The following MAGI2 variants were observed in gnomAD, a reference collection of about 807,000 sequenced individuals.
The protein encoded by MAGI2 is membrane-associated guanylate kinase, WW and PDZ domain-containing protein 2.
In MAGI2, 35 loss-of-function variants were observed where a neutral mutation model predicts 133.3. The ratio of observed to expected loss-of-function variants is 0.26; its 90% CI spans 0.20 to 0.35. The LOEUF is 0.35. Ranked by LOEUF, MAGI2 falls within the 10% of genes least tolerant of loss-of-function variation. The probability of loss-of-function intolerance (pLI) is 1.00; values close to 1 mark genes in which losing one functional copy is unlikely to be tolerated. For synonymous variants in MAGI2, 729 were observed against 710.6 expected (o/e 1.03, Z -0.41); for missense variants, 1,636 against 1,863.4 (o/e 0.88, Z 2.25).
chr7:78,969,184 AG>A (rs1554315657), intron 2 of MAGI2, among the ~76,000 whole-genome samples: 2 of 152,028 alleles, frequency 1.3e-5, no homozygotes, highest in Non-Finnish European at 2.9e-5. Context: ...ACCTGGTAGT[AG>A]CTGTATTTGC....
chr7:79,141,599 T>A (rs1439571659), intron 1 of MAGI2, among the ~76,000 whole-genome samples: 16 of 152,218 alleles, frequency 1.1e-4, no homozygotes, highest in Non-Finnish European at 2.2e-4. Flanking sequence ...CAATAATTAT[T>A]AATGTACTAT....
chr7:78,247,089 G>T (rs931696173), intron 10 of MAGI2, among the ~76,000 whole-genome samples: 2 of 152,094 alleles, frequency 1.3e-5, no homozygotes, highest in African/African-American at 4.8e-5. Context: ...CAGTGCTGCT[G>T]CAGCTGCATA....
chr7:78,224,486 G>T (rs978955144), intron 10 of MAGI2, among the ~76,000 whole-genome samples: 2 of 151,966 alleles, frequency 1.3e-5, no homozygotes, highest in Non-Finnish European at 2.9e-5. Flanking sequence ...GCCACCATGG[G>T]GAAACCCTGT....
chr7:79,135,846 C>T (rs1451941893), intron 1 of MAGI2, among the ~76,000 whole-genome samples: 1 of 151,234 alleles, frequency 6.6e-6, no homozygotes, highest in Non-Finnish European at 1.5e-5. Context: ...GAGGCTGAGG[C>T]AGGAGAATCA....
intron 6 of MAGI2, among the ~76,000 whole-genome samples, chr7:78,440,503 A>G (rs1787509131): frequency 6.6e-6 from 1 of 152,176 alleles, no homozygotes; most frequent in East Asian, 1.9e-4. Context: ...CCCATTGGCC[A>G]GTTTGCTATA....
At chr7:78,683,227 A>C (rs914715303) in intron 2 of MAGI2, among the ~76,000 whole-genome samples, 5 of 152,132 alleles carry the variant, frequency 3.3e-5, no homozygotes, top group Non-Finnish European at 5.9e-5. Context: ...TATCCATTGT[A>C]AGGGCAATAC....
chr7:78,507,826 A>G (rs7779137), intron 4 of MAGI2, among the ~76,000 whole-genome samples: 6,186 of 152,316 alleles, frequency 0.041, 303 homozygotes, highest in African/African-American at 0.11. Context: ...GCACTAAGCT[A>G]GGCAGTGTAC....
chr7:79,107,037 C>T (rs182899723), intron 1 of MAGI2, among the ~76,000 whole-genome samples: 1 of 152,238 alleles, frequency 6.6e-6, no homozygotes, highest in East Asian at 1.9e-4. Context: ...GTCCTGATTC[C>T]CTGGAACCCA....
intron 2 of MAGI2, among the ~76,000 whole-genome samples, chr7:78,893,930 T>A (rs1372025221): frequency 3.3e-5 from 5 of 152,276 alleles, no homozygotes; most frequent in South Asian, 4.1e-4. Context: ...AGTCTCTGAT[T>A]TTTACTCACT....
intron 1 of MAGI2, among the ~76,000 whole-genome samples, chr7:79,152,616 G>C (rs1823362920): frequency 6.6e-6 from 1 of 152,156 alleles, no homozygotes. Context: ...GAGCTCCAGG[G>C]AGGCGGGAAG....
chr7:78,019,414 C>G lies in MAGI2; in HGVS notation c.4269G>C (p.Pro1423=), dbSNP rs2960452. The G allele has an allele frequency of 0.22, 242,861 of 1,128,038 alleles. 30,428 individuals carry two copies. Among genetic ancestry groups the G allele is most frequent in the East Asian group, 0.59 (13,823 of 23,576 alleles). 69.9% of individuals were successfully genotyped at this position (1,128,038 alleles called of 1,614,324 possible). ...CCGGCGCGACGGCGGCCTTGCGCGC[C>G]GGGGCGCCCCCCGGGGGTCGCGGGC... ...RPGPRPPGGA[P]ARKAAVAPGP... Residue 1423 remains proline (P), a synonymous_variant, in exon 22 of 22, where the codon CCG becomes CCC. Transcript: ENST00000354212.
intron 16 of MAGI2, among the ~76,000 whole-genome samples, chr7:78,149,237 G>T (rs780383601): frequency 2.6e-4 from 39 of 152,190 alleles, no homozygotes; most frequent in Non-Finnish European, 4.7e-4. Context: ...AGAAAGTTCT[G>T]CTGCACAGTG....
At chr7:78,072,410 T>C (rs1814807403) in intron 21 of MAGI2, 1 of 152,360 alleles carries the variant, frequency 6.6e-6, no homozygotes, top group African/African-American at 2.4e-5. Context: ...TCATTATTAG[T>C]GTCAGCTCAC....
Position 79,214,982 on chromosome 7 carries a change from C to T in MAGI2, c.302-207776G>A, listed in dbSNP as rs1034339570. ...AAACTTTATTTTTGGTTTACAAGTACGTTTGTACACAAATATTTCTAAACC... is the reference window on the plus strand; with the variant it reads ...AAACTTTATTTTTGGTTTACAAGTATGTTTGTACACAAATATTTCTAAACC... On this transcript the variant is annotated intron_variant, in intron 1 of 21. Transcript: ENST00000354212. Among the ~76,000 whole-genome samples the T allele has an allele frequency of 1.5e-4, 23 of 149,484 alleles. No individual in the cohort carries two copies. In the East Asian group the frequency reaches 3.3e-3, roughly 22 times the overall value.
intron 1 of MAGI2, among the ~76,000 whole-genome samples, chr7:79,091,910 C>T (rs1488140785): frequency 6.6e-6 from 1 of 151,638 alleles, no homozygotes; most frequent in Non-Finnish European, 1.5e-5. Context: ...GTGCATGGGC[C>T]ACAGAAAAAC....
rs202195869 is a variant in MAGI2 at position 79,253,642 on chromosome 7, T to TA, written c.301+199377dup. On this transcript the variant is annotated intron_variant, in intron 1 of 21. Coordinates refer to ENST00000354212, the MANE Select transcript of MAGI2 (RefSeq NM_012301.4). ...TATATGACAGAAAGGGACTTTGTCT[T>TA]AAAAAAAAAGTAATAACACAGTTTA... Among the ~76,000 whole-genome samples, 726 of 150,876 alleles carry TA rather than the reference T, an allele frequency of 4.8e-3. 4 individuals carry two copies. The highest frequency in any genetic ancestry group is 6.2e-3 in the African/African-American group (255 of 41,146).
At chr7:79,247,525 A>C (rs542012909) in intron 1 of MAGI2, among the ~76,000 whole-genome samples, 1 of 152,230 alleles carries the variant, frequency 6.6e-6, no homozygotes, top group South Asian at 2.1e-4. Context: ...GGGCACAAGA[A>C]TGTCTTGAGC....
intron 3 of MAGI2, among the ~76,000 whole-genome samples, 161 bp from the exon 4 acceptor site, chr7:78,521,806 CTA>C (rs79891154): frequency 6.6e-6 from 1 of 152,016 alleles, no homozygotes; most frequent in East Asian, 1.9e-4. Flanking sequence ...ATGTGTCTCT[CTA>C]TATATATACA....
chr7:78,797,067 T>C (rs1787678807), intron 2 of MAGI2, among the ~76,000 whole-genome samples: 1 of 152,122 alleles, frequency 6.6e-6, no homozygotes, highest in Non-Finnish European at 1.5e-5. Context: ...TATTCGATAC[T>C]ACAGCAGGAA....
Sources: gnomAD v4.1 joint callset for allele counts (sites outside exome capture counted in the v4.1 genomes callset) on GRCh38, gnomAD v4.1.1 for gene constraint, MANE v1.5 for transcripts, NCBI Gene and HGNC (gene_info 2026-07-23, HGNC 2026-07-21) for gene names.